The following AOPEP variants were observed in gnomAD, a reference collection of about 807,000 sequenced individuals.
AOPEP encodes the protein aminopeptidase O (putative), also known as aminopeptidase O.
Under a neutral mutation model 98.1 loss-of-function variants are expected in AOPEP, and 77 were observed. The observed-to-expected ratio is 0.78, with a 90% confidence interval of 0.65 to 0.95. The LOEUF (loss-of-function observed/expected upper bound fraction) is 0.95. Ranked by LOEUF, AOPEP falls within the 40% of genes least tolerant of loss-of-function variation. The probability of loss-of-function intolerance (pLI) is 0.00; values close to 1 mark genes in which losing one functional copy is unlikely to be tolerated. For synonymous variants in AOPEP, 346 were observed against 365.3 expected (o/e 0.95, Z 0.60); for missense variants, 1,024 against 1,024.7 (o/e 1.00, Z 0.01).
chr9:94,971,969 T>C (rs2059563612), intron 10 of AOPEP, among the ~76,000 whole-genome samples: 2 of 152,080 alleles, frequency 1.3e-5, no homozygotes, highest in South Asian at 2.1e-4. Context: ...CGTCAACAGA[T>C]TGGAAAGACA....
At chr9:95,054,994 C>T (rs912044619) in intron 13 of AOPEP, among the ~76,000 whole-genome samples, 6 of 152,150 alleles carry the variant, frequency 3.9e-5, no homozygotes, top group African/African-American at 9.7e-5. Context: ...TTGTAAGTTT[C>T]GGCAATTCTT....
intron 1 of AOPEP, among the ~76,000 whole-genome samples, chr9:94,729,415 C>G (rs1829995379): frequency 6.6e-6 from 1 of 151,892 alleles, no homozygotes; most frequent in East Asian, 1.9e-4. Flanking sequence ...ACGAAAAATA[C>G]AAAAATTAGC....
In AOPEP at chr9:94,760,401, C is replaced by G. The variant is rs76131437; in HGVS notation, c.618C>G (p.Tyr206Ter). ...ANRWREQLDY[Y>*]ARCSQAPGCG... is the part of the protein sequence containing the mutation. ...GTTGGAGGGAGCAGTTAGACTATTA[C>G]GCTCGCTGCAGCCAGGCTCCTGGCT... Residue 206 changes from tyrosine to a stop codon, truncating the protein, a stop_gained, in exon 2 of 17, where the codon TAC (tyrosine) becomes TAG (stop). Transcript: ENST00000375315. LOFTEE classifies it high-confidence loss of function. The G allele has an allele frequency of 4.7e-5, 76 of 1,613,936 alleles. No homozygotes were observed. Among genetic ancestry groups the G allele is most frequent in the Non-Finnish European group, 6.2e-5 (73 of 1,180,000 alleles).
At chr9:94,731,818 C>T (rs1336838405) in intron 1 of AOPEP, among the ~76,000 whole-genome samples, 10 of 94,094 alleles carry the variant, frequency 1.1e-4, no homozygotes, top group South Asian at 3.8e-4. Context: ...TTTTTTGAGA[C>T]GGAGTTTCGC....
chr9:94,872,317 G>T (rs976847925), intron 5 of AOPEP, among the ~76,000 whole-genome samples: 3 of 152,140 alleles, frequency 2.0e-5, no homozygotes, highest in Non-Finnish European at 4.4e-5. Context: ...AAGGTCATCT[G>T]TCTAACCCCT....
At chr9:95,084,254 A>C (rs2070297485) in intron 16 of AOPEP, among the ~76,000 whole-genome samples, 1 of 152,160 alleles carries the variant, frequency 6.6e-6, no homozygotes, top group African/African-American at 2.4e-5. Context: ...GCTTATGAAA[A>C]CCATTTCTGT....
At chr9:94,834,490 T>TA (rs964470737) in intron 5 of AOPEP, among the ~76,000 whole-genome samples, 42 of 152,278 alleles carry the variant, frequency 2.8e-4, no homozygotes, top group African/African-American at 9.9e-4. Flanking sequence ...TGGTTTTGTT[T>TA]AAAAAAGAGT....
the AOPEP span, chr9:95,100,485 A>T: frequency 2.2e-3 from 508 of 231,958 alleles, 2 homozygotes; most frequent in African/African-American, 0.011. Flanking sequence ...AATACACACA[A>T]ATCAAAATGG....
In AOPEP at chr9:95,034,657, G is replaced by A. The variant is rs141624637; in HGVS notation, c.2116-26037G>A. Among the ~76,000 whole-genome samples, 623 of 152,350 alleles carry A rather than the reference G, an allele frequency of 4.1e-3. 6 individuals carry two copies. The highest frequency in any genetic ancestry group is 4.9e-3 in the Non-Finnish European group (335 of 68,030). ...TCATCAGTTTTTATATGGGCTGAAGGCATTTGTTTGGAAGATGTAAATACC... is the reference window on the plus strand; with the variant it reads ...TCATCAGTTTTTATATGGGCTGAAGACATTTGTTTGGAAGATGTAAATACC... On this transcript the variant is annotated intron_variant, in intron 13 of 16. Transcript: ENST00000375315.
At chr9:94,850,056 A>G (rs547495913) in intron 5 of AOPEP, among the ~76,000 whole-genome samples, 41 of 148,782 alleles carry the variant, frequency 2.8e-4, no homozygotes, top group African/African-American at 9.9e-4. Context: ...AAAAAAGACT[A>G]TCTAATGCTG....
At chr9:94,861,120 C>T (rs2044908963) in intron 5 of AOPEP, among the ~76,000 whole-genome samples, 1 of 152,180 alleles carries the variant, frequency 6.6e-6, no homozygotes, top group Non-Finnish European at 1.5e-5. Flanking sequence ...TGAACCAGAA[C>T]TCTGCATATG....
chr9:95,015,267 G>A (rs1466618227), intron 13 of AOPEP, among the ~76,000 whole-genome samples: 1 of 152,084 alleles, frequency 6.6e-6, no homozygotes, highest in Non-Finnish European at 1.5e-5. Context: ...TATGTAAATA[G>A]TGTTAGTGTC....
At chr9:95,144,503 G>A in the AOPEP span, among the ~76,000 whole-genome samples, 29 of 152,194 alleles carry the variant, frequency 1.9e-4, no homozygotes, top group Non-Finnish European at 3.7e-4. Flanking sequence ...AGGAGTAGCT[G>A]TTCTCTGGGC....
At chr9:95,081,126 A>G (rs1488785798) in intron 15 of AOPEP, among the ~76,000 whole-genome samples, 1 of 152,196 alleles carries the variant, frequency 6.6e-6, no homozygotes, top group African/African-American at 2.4e-5. Context: ...CCTCATTTAA[A>G]GTACACGTGC....
At chr9:94,835,066 C>T (rs903469823) in intron 5 of AOPEP, among the ~76,000 whole-genome samples, 5 of 152,000 alleles carry the variant, frequency 3.3e-5, no homozygotes, top group African/African-American at 4.8e-5. Flanking sequence ...TCGAAGTAGA[C>T]CCACACATGT....
chr9:94,988,789 G>A (rs528159966), intron 11 of AOPEP, among the ~76,000 whole-genome samples: 151 of 152,274 alleles, frequency 9.9e-4, no homozygotes, highest in African/African-American at 3.5e-3. Context: ...TGCAGATCCC[G>A]GAGCCAGCCC....
At chr9:94,796,034 A>G (rs1306879979) in intron 4 of AOPEP, among the ~76,000 whole-genome samples, 1 of 152,242 alleles carries the variant, frequency 6.6e-6, no homozygotes, top group Admixed American at 6.5e-5. Flanking sequence ...GCTGTCCTCT[A>G]TAACACAGAT....
the AOPEP span, chr9:95,114,157 A>G: frequency 9.4e-5 from 19 of 203,096 alleles, no homozygotes; most frequent in East Asian, 2.0e-3. Flanking sequence ...AGAGAGATTT[A>G]TTAGAGAGAA....
At chr9:95,114,122 A>G in the AOPEP span, 2 of 191,562 alleles carry the variant, frequency 1.0e-5, no homozygotes, top group East Asian at 2.3e-4. Context: ...CCCAGAATTT[A>G]TATTAGAATA....
Sources: gnomAD v4.1 joint callset for allele counts (sites outside exome capture counted in the v4.1 genomes callset) on GRCh38, gnomAD v4.1.1 for gene constraint, MANE v1.5 for transcripts, NCBI Gene and HGNC (gene_info 2026-07-23, HGNC 2026-07-21) for gene names.